BCHE: variants seen among roughly 807,000 people sequenced by gnomAD.
The protein encoded by BCHE is cholinesterase.
Under a neutral mutation model 51.3 loss-of-function variants are expected in BCHE, and 48 were observed. The observed-to-expected ratio is 0.94, with a 90% CI of 0.74 to 1.19. The LOEUF is 1.19. BCHE is among the 50% of genes most tolerant of loss of function. The probability of loss-of-function intolerance (pLI) is 0.00; values close to 1 mark genes in which losing one functional copy is unlikely to be tolerated. For missense variants in BCHE, 847 were observed against 708.2 expected (o/e 1.20, Z -2.23); for synonymous variants, 251 against 238.0 (o/e 1.05, Z -0.50).
rs1028841194 is a variant in BCHE, at chr3:165,780,437, G to T, written c.1684+5708C>A. On this transcript the variant is annotated intron_variant, in intron 3 of 3. Coordinates refer to ENST00000264381, the MANE Select transcript of BCHE (RefSeq NM_000055.4). The stretch of plus-strand genomic sequence containing the variant: ...GGTATAATTAAACTAAAGAGCTTTT[G>T]CACAGCAAAATAAACTATCATCAGA... Among the ~76,000 whole-genome samples the T allele has an allele frequency of 2.1e-4, 32 of 152,162 alleles. 1 individual carries two copies. Among genetic ancestry groups the T allele is most frequent in the Admixed American group, 1.9e-3 (29 of 15,264 alleles).
At chr3:165,795,502 T>C (rs1444995264) in intron 2 of BCHE, among the ~76,000 whole-genome samples, 2 of 152,198 alleles carry the variant, frequency 1.3e-5, no homozygotes, top group Non-Finnish European at 2.9e-5. Flanking sequence ...AAGAGGATTA[T>C]TTGCAATTTA....
chr3:165,794,931 G>A (rs141607203), intron 2 of BCHE, among the ~76,000 whole-genome samples: 264 of 151,992 alleles, frequency 1.7e-3, no homozygotes, highest in African/African-American at 6.2e-3. Context: ...ATTATATTTT[G>A]AGCTTCAGAG....
At chr3:165,837,039 C>A in intron 1 of BCHE, among the ~76,000 whole-genome samples, 1 of 152,074 alleles carries the variant, frequency 6.6e-6, no homozygotes, top group East Asian at 1.9e-4. Context: ...CACAGTGATT[C>A]CACACGTGCT....
chr3:165,817,369 C>CA (rs1314529730), intron 2 of BCHE, among the ~76,000 whole-genome samples: 3 of 151,950 alleles, frequency 2.0e-5, no homozygotes, highest in African/African-American at 7.2e-5. Flanking sequence ...ATGTTTGAGC[C>CA]AAAATATGCT....
chr3:165,829,142 G>A (rs190315493), intron 2 of BCHE, among the ~76,000 whole-genome samples: 1 of 152,208 alleles, frequency 6.6e-6, no homozygotes, highest in African/African-American at 2.4e-5. Flanking sequence ...GGAAGAAATA[G>A]TCCTACTCTG....
chr3:165,793,618 A>C (rs1331207318), intron 2 of BCHE, among the ~76,000 whole-genome samples: 1 of 152,212 alleles, frequency 6.6e-6, no homozygotes, highest in East Asian at 1.9e-4. Flanking sequence ...AACTACTACC[A>C]CATGGAAAAT....
At chr3:165,810,687 G>A (rs1403345652) in intron 2 of BCHE, among the ~76,000 whole-genome samples, 2 of 152,132 alleles carry the variant, frequency 1.3e-5, no homozygotes, top group East Asian at 1.9e-4. Context: ...GCTATCTGGA[G>A]AATTAAGTTC....
chr3:165,789,304 C>CAA (rs1048740022), intron 2 of BCHE, among the ~76,000 whole-genome samples: 14 of 46,616 alleles, frequency 3.0e-4, no homozygotes, highest in South Asian at 8.6e-4. Context: ...CAAAAAAAAG[C>CAA]AGAGTATCTT....
At chr3:165,836,893 C>G (rs1479071532) in intron 1 of BCHE, among the ~76,000 whole-genome samples, 2 of 151,864 alleles carry the variant, frequency 1.3e-5, no homozygotes, top group African/African-American at 4.8e-5. Context: ...TAACTACTAA[C>G]TTTATCCCAT....
At chr3:165,796,872 CA>C (rs1713399206) in intron 2 of BCHE, among the ~76,000 whole-genome samples, 1 of 152,072 alleles carries the variant, frequency 6.6e-6, no homozygotes, top group African/African-American at 2.4e-5. Flanking sequence ...AGTTACCACA[CA>C]AAAGATCTCT....
At chr3:165,809,065 C>A (rs1030348814) in intron 2 of BCHE, among the ~76,000 whole-genome samples, 1 of 151,846 alleles carries the variant, frequency 6.6e-6, no homozygotes, top group Non-Finnish European at 1.5e-5. Flanking sequence ...AATGACTATG[C>A]TTACTTTATT....
intron 2 of BCHE, among the ~76,000 whole-genome samples, chr3:165,805,608 A>G (rs1713837556): frequency 6.6e-6 from 1 of 152,192 alleles, no homozygotes; most frequent in Admixed American, 6.5e-5. Context: ...ATGATTCTGT[A>G]AGATCTGAGA....
At chr3:165,801,648 A>T (rs1262094130) in intron 2 of BCHE, among the ~76,000 whole-genome samples, 1 of 152,246 alleles carries the variant, frequency 6.6e-6, no homozygotes, top group Non-Finnish European at 1.5e-5. Flanking sequence ...TATAAGAAAC[A>T]TGAGAAGTAT....
intron 1 of BCHE, among the ~76,000 whole-genome samples, chr3:165,833,995 A>G (rs1184915630): frequency 1.3e-5 from 2 of 152,098 alleles, no homozygotes; most frequent in Non-Finnish European, 2.9e-5. Context: ...TTATTTGAAT[A>G]TTAGTTTGTC....
At chr3:165,822,569 G>A (rs1241004466) in intron 2 of BCHE, among the ~76,000 whole-genome samples, 2 of 152,144 alleles carry the variant, frequency 1.3e-5, no homozygotes, top group Middle Eastern at 3.4e-3. Context: ...TAAAAAGATT[G>A]ACACTGGGAA....
intron 3 of BCHE, among the ~76,000 whole-genome samples, chr3:165,780,491 A>G (rs1712651892): frequency 6.6e-6 from 1 of 152,218 alleles, no homozygotes; most frequent in Non-Finnish European, 1.5e-5. Flanking sequence ...GAATGAGAGA[A>G]CATTTCTGCA....
chr3:165,822,847 C>T (rs1714580071), intron 2 of BCHE, among the ~76,000 whole-genome samples: 1 of 152,074 alleles, frequency 6.6e-6, no homozygotes, highest in South Asian at 2.1e-4. Flanking sequence ...TTTAATTTCA[C>T]CAATTTTCTG....
chr3:165,817,549 T>C (rs763120501), intron 2 of BCHE, among the ~76,000 whole-genome samples: 9 of 152,074 alleles, frequency 5.9e-5, no homozygotes, highest in Non-Finnish European at 1.2e-4. Context: ...TTGCTGTTCC[T>C]GCAACATCCC....
At chr3:165,826,952 C>T (rs763501546) in intron 2 of BCHE, among the ~76,000 whole-genome samples, 1 of 152,024 alleles carries the variant, frequency 6.6e-6, no homozygotes, top group Non-Finnish European at 1.5e-5. Flanking sequence ...AGTACTGACA[C>T]TCAAAAAGGG....
Sources: allele counts gnomAD v4.1 joint callset (sites outside exome capture counted in the v4.1 genomes callset), GRCh38; gene constraint gnomAD v4.1.1; transcripts MANE v1.5; gene names NCBI Gene and HGNC (gene_info 2026-07-23, HGNC 2026-07-21).